DHDDS: variants seen among roughly 807,000 people sequenced by gnomAD.
DHDDS encodes dehydrodolichyl diphosphate synthase subunit, also known as dehydrodolichyl diphosphate synthase complex subunit DHDDS.
DHDDS carries 16 observed loss-of-function variants against 46.2 expected under a neutral mutation model. The observed-to-expected ratio is 0.35, with a 90% CI of 0.23 to 0.53. The LOEUF is 0.53. Ranked by LOEUF, DHDDS falls within the 20% of genes least tolerant of loss-of-function variation. The pLI is 0.94. For missense variants in DHDDS, 340 were observed against 423.7 expected (o/e 0.80, Z 1.73); for synonymous variants, 151 against 163.1 (o/e 0.93, Z 0.56).
intron 8 of DHDDS, chr1:26,463,459 TAAG>T (rs2075446194): frequency 6.6e-6 from 1 of 152,238 alleles, no homozygotes; most frequent in Admixed American, 6.5e-5. Context: ...AAACATTACT[TAAG>T]AGGTTTATTG....
At chr1:26,436,168 C>T (rs1370426869) in intron 2 of DHDDS, among the ~76,000 whole-genome samples, 4 of 151,904 alleles carry the variant, frequency 2.6e-5, no homozygotes, top group African/African-American at 7.3e-5. Flanking sequence ...GAGGCCAAAT[C>T]GAGTAGATCT....
intron 6 of DHDDS, among the ~76,000 whole-genome samples, chr1:26,456,025 T>G (rs1159375602): frequency 6.6e-6 from 1 of 152,172 alleles, no homozygotes; most frequent in African/African-American, 2.4e-5. Flanking sequence ...ACAGGATAGT[T>G]TTACTTAAGA....
chr1:26,454,475 T>TTTA (rs1035178768), intron 6 of DHDDS, among the ~76,000 whole-genome samples: 1 of 152,108 alleles, frequency 6.6e-6, no homozygotes, highest in African/African-American at 2.4e-5. Context: ...AAAATAATTT[T>TTTA]TTATTATTAT....
At chr1:26,468,797 T>TTGGCCCCCCCCG in intron 8 of DHDDS, 98 bp from the exon 9 acceptor site, 2 of 1,434,854 alleles carry the variant, frequency 1.4e-6, no homozygotes, top group East Asian at 2.5e-5. Flanking sequence ...TCCACTTCAC[T>TTGGCCCCCCCCG]TGGCCCACCC....
At chr1:26,468,007 A>G (rs1485639609) in intron 8 of DHDDS, among the ~76,000 whole-genome samples, 1 of 152,216 alleles carries the variant, frequency 6.6e-6, no homozygotes. Flanking sequence ...GAGAGGAAGA[A>G]GCCCAGTCTC....
chr1:26,434,257 A>C (rs532435340), intron 2 of DHDDS, among the ~76,000 whole-genome samples: 21 of 152,316 alleles, frequency 1.4e-4, no homozygotes, highest in Admixed American at 8.5e-4. Flanking sequence ...TATCTGCCTA[A>C]GACAGGTTTG....
At chr1:26,461,117 G>A (rs190430572) in intron 8 of DHDDS, among the ~76,000 whole-genome samples, 4 of 152,190 alleles carry the variant, frequency 2.6e-5, no homozygotes, top group South Asian at 2.1e-4. Context: ...CAGGTGATCC[G>A]CCCACCTTGG....
chr1:26,442,588 G>A, intron 3 of DHDDS, 143 bp from the exon 4 acceptor site: 3 of 939,784 alleles, frequency 3.2e-6, no homozygotes, highest in Admixed American at 1.8e-5. Flanking sequence ...CATAAACACT[G>A]ATGTTATCCT....
rs114183854 is a variant in DHDDS at position 26,444,271 on chromosome 1, G to T, written c.323+1398G>T. 6.0e-3 allele frequency among the ~76,000 whole-genome samples: 909 copies of T among 152,326 alleles called. 7 individuals carry two copies. The highest frequency in any genetic ancestry group is 0.024 in the Middle Eastern group (7 of 294). On this transcript the variant is annotated intron_variant, in intron 4 of 8. Transcript: ENST00000236342. ...GTGCCACAGAACCCCAAGGTCTGAG[G>T]AGGTGTAGAAAGAACCTAGTGGGAA... is the stretch of plus-strand genomic sequence containing the variant.
intron 4 of DHDDS, among the ~76,000 whole-genome samples, chr1:26,443,694 G>A (rs1419401863): frequency 6.6e-6 from 1 of 152,126 alleles, no homozygotes; most frequent in East Asian, 1.9e-4. Flanking sequence ...GGTAGGGAGG[G>A]TAGCCAGGCT....
At chr1:26,439,996 C>T (rs899641637) in intron 3 of DHDDS, among the ~76,000 whole-genome samples, 1 of 147,286 alleles carries the variant, frequency 6.8e-6, no homozygotes, top group Non-Finnish European at 1.5e-5. Context: ...AAAAGTTAGC[C>T]GGGCGTGGTG....
In DHDDS at chr1:26,460,147, A is replaced by G; in HGVS notation, c.765+3A>G. 1.2e-6 allele frequency: 2 copies of G among 1,610,536 alleles called. No homozygotes were observed. Among genetic ancestry groups the G allele is most frequent in the Non-Finnish European group, 1.7e-6 (2 of 1,176,900 alleles). ...AGATGAACCATAGCGTGCTTCAGGT[A>G]AGAAAGAGTTCAGGGCTGGCCAGAT... On this transcript the variant is annotated splice_donor_region_variant and intron_variant, in intron 8 of 8. Transcript: ENST00000236342.
At chr1:26,448,193 CTTTT>C (rs11300095) in intron 6 of DHDDS, 30 of 121,362 alleles carry the variant, frequency 2.5e-4, no homozygotes, top group South Asian at 1.1e-3. Flanking sequence ...TTTTTCTTTT[CTTTT>C]TTTTTTTTTT....
rs531576852 is a variant in DHDDS, at chr1:26,449,748, G to A, written c.542+2088G>A. Among the ~76,000 whole-genome samples, 17 of 152,086 alleles carry A rather than the reference G, an allele frequency of 1.1e-4. 1 individual carries two copies. The East Asian group carries it at 2.9e-3, about 26-fold the overall frequency. ...TAATTTTTGTATTTTTAGTAGAGAC[G>A]GGGTTTCACTATGTTGGCCAGGCTG... On this transcript the variant is annotated intron_variant, in intron 6 of 8. Transcript: ENST00000236342.
intron 6 of DHDDS, among the ~76,000 whole-genome samples, chr1:26,450,611 G>A (rs549726575): frequency 1.3e-5 from 2 of 152,304 alleles, no homozygotes; most frequent in South Asian, 2.1e-4. Flanking sequence ...AGAAAAGAGG[G>A]AGTTTGTTGG....
Position 26,438,248 on chromosome 1 carries a change from G to A in DHDDS, c.144G>A (p.Gln48=), listed in dbSNP as rs1057088171. ...CCAAGAAGTGCCAGGTGGAGCGGCAGGAAGGCCACTCACAGGGCTTCAACA... is the reference window on the plus strand; with the variant it reads ...CCAAGAAGTGCCAGGTGGAGCGGCAAGAAGGCCACTCACAGGGCTTCAACA... ...RYAKKCQVER[Q]EGHSQGFNKL... is the part of the protein sequence containing the mutation. The change falls in exon 3 of 9, where the codon CAG becomes CAA. Residue 48 remains glutamine (Q), a synonymous_variant. Coordinates refer to ENST00000236342, the MANE Select transcript of DHDDS (RefSeq NM_205861.3). The A allele has an allele frequency of 6.2e-7, 1 of 1,614,128 alleles. No homozygotes were observed. Among genetic ancestry groups the A allele is most frequent in the South Asian group, 1.1e-5 (1 of 91,076 alleles).
At chr1:26,465,945 C>G (rs1173615151) in intron 8 of DHDDS, among the ~76,000 whole-genome samples, 3 of 152,120 alleles carry the variant, frequency 2.0e-5, no homozygotes, top group Non-Finnish European at 4.4e-5. Flanking sequence ...GTTTTGAAGC[C>G]AAGGACCTGC....
chr1:26,464,232 A>G (rs776305370), intron 8 of DHDDS, among the ~76,000 whole-genome samples: 10 of 152,028 alleles, frequency 6.6e-5, no homozygotes, highest in Non-Finnish European at 1.3e-4. Flanking sequence ...ACCTCAGGTG[A>G]TCCACCCACC....
chr1:26,462,194 T>C (rs770269405), intron 8 of DHDDS, among the ~76,000 whole-genome samples: 10 of 152,018 alleles, frequency 6.6e-5, no homozygotes, highest in Non-Finnish European at 1.0e-4. Context: ...TGATTTTTGT[T>C]ATTTTTTGTA....
Sources: gnomAD v4.1 joint callset for allele counts (sites outside exome capture counted in the v4.1 genomes callset) on GRCh38, gnomAD v4.1.1 for gene constraint, MANE v1.5 for transcripts, NCBI Gene and HGNC (gene_info 2026-07-23, HGNC 2026-07-21) for gene names.